Variants in FIBCD1 observed in about 807,000 individuals in gnomAD.
FIBCD1 encodes the protein fibrinogen C domain containing 1.
In FIBCD1, 47 loss-of-function variants were observed where a neutral mutation model predicts 45.1. That is an observed-to-expected ratio of 1.04 (90% CI 0.82 to 1.33). FIBCD1 has a LOEUF of 1.33. FIBCD1 is among the 40% of genes most tolerant of loss of function. FIBCD1 has a pLI of 0.00. For missense variants in FIBCD1, 653 were observed against 682.2 expected (o/e 0.96, Z 0.48); for synonymous variants, 313 against 308.1 (o/e 1.02, Z -0.17).
chr9:130,904,575 G>A (rs560431941), intron 6 of FIBCD1, among the ~76,000 whole-genome samples: 4 of 148,444 alleles, frequency 2.7e-5, no homozygotes, highest in South Asian at 4.3e-4. Flanking sequence ...GGGTCTAGGC[G>A]GTCTCTATCC....
intron 4 of FIBCD1, among the ~76,000 whole-genome samples, chr9:130,921,879 T>C (rs1344005533): frequency 1.3e-5 from 2 of 152,210 alleles, no homozygotes; most frequent in Non-Finnish European, 2.9e-5. Flanking sequence ...TGAAGACAGG[T>C]TTAGAGATGT....
chr9:130,924,437 G>T, intron 2 of FIBCD1, 41 bp from the exon 3 acceptor site: 1 of 1,549,732 alleles, frequency 6.5e-7, no homozygotes, highest in Non-Finnish European at 8.7e-7. Context: ...CAGGGGCTCT[G>T]TTGGGGGTGG....
At chr9:130,929,051 G>A (rs957593043) in intron 2 of FIBCD1, among the ~76,000 whole-genome samples, 8 of 152,118 alleles carry the variant, frequency 5.3e-5, no homozygotes, top group Non-Finnish European at 1.2e-4. Context: ...ACAGGCTAGG[G>A]GTCTGGCTGG....
At chr9:130,905,130 G>C in intron 6 of FIBCD1, 104 bp downstream of exon 6, 1 of 1,168,618 alleles carries the variant, frequency 8.6e-7, no homozygotes, top group South Asian at 1.8e-5. Flanking sequence ...TTCAAAGGGG[G>C]AAAAATACAT....
At chr9:130,918,373 G>C (rs542905891) in intron 4 of FIBCD1, among the ~76,000 whole-genome samples, 5 of 152,210 alleles carry the variant, frequency 3.3e-5, no homozygotes, top group African/African-American at 1.2e-4. Flanking sequence ...CAAGGAATGG[G>C]GGGTGGGTGG....
At chr9:130,920,317 G>A (rs1317314110) in intron 4 of FIBCD1, among the ~76,000 whole-genome samples, 1 of 152,046 alleles carries the variant, frequency 6.6e-6, no homozygotes, top group African/African-American at 2.4e-5. Flanking sequence ...TGTTCACAGG[G>A]AACCCCCAGG....
chr9:130,919,089 G>A (rs960586461), intron 4 of FIBCD1, among the ~76,000 whole-genome samples: 6 of 152,332 alleles, frequency 3.9e-5, no homozygotes, highest in African/African-American at 1.2e-4. Flanking sequence ...TCTTGGCACA[G>A]CACTGCCAAG....
intron 4 of FIBCD1, among the ~76,000 whole-genome samples, chr9:130,921,575 C>T (rs1031655825): frequency 6.6e-6 from 1 of 152,230 alleles, no homozygotes; most frequent in African/African-American, 2.4e-5. Flanking sequence ...CTGAGTCCGT[C>T]GGAATGACCG....
chr9:130,933,727 T>TGGGGGGGGGGGGGGGGGGGGGGGGGG (rs1179362614), intron 1 of FIBCD1: 11 of 51,366 alleles, frequency 2.1e-4, no homozygotes, highest in South Asian at 9.3e-4. Flanking sequence ...GGCGGGCGGG[T>TGGGGGGGGGGGGGGGGGGGGGGGGGG]GGGGGGGGGG....
intron 4 of FIBCD1, among the ~76,000 whole-genome samples, chr9:130,920,686 C>A (rs1008971934): frequency 6.6e-6 from 1 of 152,098 alleles, no homozygotes; most frequent in Non-Finnish European, 1.5e-5. Flanking sequence ...TGCCGCCAAA[C>A]CTCCTTAAAC....
upstream of FIBCD1, among the ~76,000 whole-genome samples, chr9:130,940,375 T>C (rs1832603347): frequency 6.6e-6 from 1 of 152,260 alleles, no homozygotes; most frequent in Non-Finnish European, 1.5e-5. Flanking sequence ...GATCCCGGCT[T>C]CCCGGACTGA....
At chr9:130,906,514 C>T (rs576694550) in intron 5 of FIBCD1, among the ~76,000 whole-genome samples, 17 of 152,322 alleles carry the variant, frequency 1.1e-4, no homozygotes, top group African/African-American at 3.8e-4. Flanking sequence ...CACAGCAAAG[C>T]TGACCGCACG....
Position 130,922,955 on chromosome 9 carries a change from C to G in FIBCD1, c.849+789G>C, listed in dbSNP as rs990978853. Among the ~76,000 whole-genome samples the G allele has an allele frequency of 6.6e-6, 1 of 152,226 alleles. No individual in the cohort carries two copies. The highest frequency in any genetic ancestry group is 1.5e-5 in the Non-Finnish European group (1 of 68,044). Reference sequence around the variant, plus strand: ...CTTCTCCAGGAAGCTTTACCCTCCCCTCTGCTACAGTGACTTCTTCCGCCC... The same window carrying G: ...CTTCTCCAGGAAGCTTTACCCTCCCGTCTGCTACAGTGACTTCTTCCGCCC... On this transcript the variant is annotated intron_variant, in intron 4 of 6. Coordinates refer to ENST00000372338, the MANE Select transcript of FIBCD1 (RefSeq NM_032843.5). The surrounding 1 kb of genome is among the most constrained non-coding windows in gnomAD (Gnocchi z 4.5).
intron 3 of FIBCD1, 56 bp downstream of exon 3, chr9:130,924,181 G>T: frequency 6.7e-7 from 1 of 1,489,814 alleles, no homozygotes. Flanking sequence ...CAACTTCCCC[G>T]CTCCCCAGAG....
intron 5 of FIBCD1, among the ~76,000 whole-genome samples, chr9:130,908,913 G>A (rs528735091): frequency 2.3e-4 from 35 of 152,190 alleles, no homozygotes; most frequent in South Asian, 1.0e-3. Flanking sequence ...ACAGAGGGGC[G>A]GCCCCGCCTC....
intron 4 of FIBCD1, among the ~76,000 whole-genome samples, chr9:130,916,808 G>A (rs1832168632): frequency 6.6e-6 from 1 of 152,202 alleles, no homozygotes; most frequent in Admixed American, 6.5e-5. Flanking sequence ...GGCAAAAAGG[G>A]GTGGGGAGTC....
At chr9:130,920,362 G>A (rs1023226220) in intron 4 of FIBCD1, among the ~76,000 whole-genome samples, 2 of 152,058 alleles carry the variant, frequency 1.3e-5, no homozygotes, top group Non-Finnish European at 2.9e-5. Context: ...CCCGCTCCCC[G>A]CTCACTCCTC....
chr9:130,914,644 C>T (rs987363747), intron 4 of FIBCD1, among the ~76,000 whole-genome samples: 5 of 152,222 alleles, frequency 3.3e-5, no homozygotes, highest in Admixed American at 3.3e-4. Flanking sequence ...TCAGAGGAAC[C>T]ATCCAGAATG....
intron 1 of FIBCD1, among the ~76,000 whole-genome samples, chr9:130,932,543 G>A (rs577710473): frequency 1.3e-5 from 2 of 152,316 alleles, no homozygotes; most frequent in Admixed American, 6.5e-5. Flanking sequence ...CCAGCCAGAA[G>A]CATCTGCTTC....
Sources: gnomAD v4.1 joint callset for allele counts (sites outside exome capture counted in the v4.1 genomes callset) on GRCh38, gnomAD v4.1.1 for gene constraint, Gnocchi (gnomAD v3.1) non-coding constraint, MANE v1.5 for transcripts, NCBI Gene and HGNC (gene_info 2026-07-23, HGNC 2026-07-21) for gene names.